ASS1: variants seen among roughly 807,000 people sequenced by gnomAD.
ASS1 encodes argininosuccinate synthase 1.
ASS1 carries 58 observed loss-of-function variants against 60.5 expected under a neutral mutation model. The observed-to-expected ratio is 0.96, with a 90% CI of 0.78 to 1.19. The LOEUF (loss-of-function observed/expected upper bound fraction) is 1.19, where lower values mean the gene tolerates loss of function less well. Ranked by LOEUF, ASS1 falls within the 50% of genes most tolerant of loss-of-function variation. ASS1 has a pLI of 0.00. For missense variants in ASS1, 454 were observed against 547.3 expected (o/e 0.83, Z 1.70); for synonymous variants, 200 against 206.9 (o/e 0.97, Z 0.29).
intron 3 of ASS1, among the ~76,000 whole-genome samples, chr9:130,456,729 C>A (rs1845458856): frequency 6.6e-6 from 1 of 152,034 alleles, no homozygotes; most frequent in Admixed American, 6.6e-5. Flanking sequence ...GTGGGCAGAT[C>A]TCTTGAGGTC....
At chr9:130,464,621 A>T (rs929060795) in intron 5 of ASS1, among the ~76,000 whole-genome samples, 2 of 152,008 alleles carry the variant, frequency 1.3e-5, no homozygotes, top group Non-Finnish European at 2.9e-5. Flanking sequence ...TCCCCAGGCC[A>T]CCTGTGCCTG....
intron 1 of ASS1, among the ~76,000 whole-genome samples, chr9:130,447,317 C>T (rs761162605): frequency 3.3e-5 from 5 of 152,250 alleles, no homozygotes; most frequent in Non-Finnish European, 5.9e-5. Flanking sequence ...TCTGCCTCCT[C>T]CTTTGTAAAT....
In ASS1 at chr9:130,489,964, G is replaced by T. The variant is rs1416414805; in HGVS notation, c.970+500G>T. On this transcript the variant is annotated intron_variant, in intron 12 of 14. Transcript: ENST00000352480. The surrounding 1 kb of genome is among the most constrained non-coding windows in gnomAD (Gnocchi z 4.1). The stretch of plus-strand genomic sequence containing the variant: ...CTGGACCTACTCCATGAACTTGAGG[G>T]AGAGGCTCCCTGGACCAGGAACTCA... Among the ~76,000 whole-genome samples the T allele has an allele frequency of 1.3e-5, 2 of 152,256 alleles. No homozygotes were observed. The highest frequency in any genetic ancestry group is 2.9e-5 in the Non-Finnish European group (2 of 68,040).
In ASS1 at chr9:130,495,041, C is replaced by T. The variant is rs777218348; in HGVS notation, c.1127+18C>T. On this transcript the variant is annotated intron_variant, in intron 13 of 14. Transcript: ENST00000352480. The stretch of plus-strand genomic sequence containing the variant: ...CTGGTGAGGTAGGTGCCCCACACCT[C>T]ATTCTGACCCCCACTTGGGCACAGA... The T allele has an allele frequency of 1.2e-6, 2 of 1,600,810 alleles. No individual in the cohort carries two copies. The highest frequency in any genetic ancestry group is 1.7e-6 in the Non-Finnish European group (2 of 1,174,556).
At chr9:130,455,415 A>G (rs1845426456) in intron 3 of ASS1, among the ~76,000 whole-genome samples, 2 of 151,092 alleles carry the variant, frequency 1.3e-5, no homozygotes, top group South Asian at 2.1e-4. Context: ...CCATCCATCC[A>G]TCCTTCATCC....
intron 12 of ASS1, among the ~76,000 whole-genome samples, chr9:130,492,227 C>G (rs1846466957): frequency 6.6e-6 from 1 of 152,196 alleles, no homozygotes; most frequent in African/African-American, 2.4e-5. Context: ...TTGAGCAGGG[C>G]TGTCTCTTCC....
chr9:130,449,103 GGCAGATC>G (rs1373007147), intron 1 of ASS1, among the ~76,000 whole-genome samples: 1 of 152,144 alleles, frequency 6.6e-6, no homozygotes, highest in African/African-American at 2.4e-5. Context: ...GGCTGAGGCA[GGCAGATC>G]GCTTAAGTCC....
Position 130,477,878 on chromosome 9 carries a change from C to T in ASS1, c.688+917C>T, listed in dbSNP as rs1284936865. Reference sequence around the variant, plus strand: ...GAGAGAGGCTCGTGGAGAGGCCTGGCCCGGCTCTGGCGCTCGGCTCTTACC... The same window carrying T: ...GAGAGAGGCTCGTGGAGAGGCCTGGTCCGGCTCTGGCGCTCGGCTCTTACC... On this transcript the variant is annotated intron_variant, in intron 9 of 14. Coordinates refer to ENST00000352480, the MANE Select transcript of ASS1 (RefSeq NM_054012.4). The surrounding 1 kb of genome is among the most constrained non-coding windows in gnomAD (Gnocchi z 4.2). 6.6e-6 allele frequency among the ~76,000 whole-genome samples: 1 copy of T among 152,138 alleles called. No homozygotes were observed. Among genetic ancestry groups the T allele is most frequent in the Non-Finnish European group, 1.5e-5 (1 of 68,004 alleles).
chr9:130,479,973 G>A, intron 10 of ASS1, 173 bp downstream of exon 10: 1 of 819,642 alleles, frequency 1.2e-6, no homozygotes, highest in Non-Finnish European at 2.1e-6. Context: ...TTTGGCAGGA[G>A]AGGCTCCGTG....
chr9:130,477,007 C>A lies in ASS1; in HGVS notation c.688+46C>A. The A allele has an allele frequency of 6.4e-7, 1 of 1,572,052 alleles. No individual in the cohort carries two copies. Among genetic ancestry groups the A allele is most frequent in the Non-Finnish European group, 8.8e-7 (1 of 1,142,114 alleles). ...ACTCGAAGGGGGTTGACTTTTGGGG[C>A]CCTGGCTCCTTTCCCCTCCCTGCCT... On this transcript the variant is annotated intron_variant, in intron 9 of 14. Transcript: ENST00000352480. This position sits in a 1 kb window ranked among gnomAD's most constrained non-coding sequence, Gnocchi z 4.2.
chr9:130,478,728 G>A lies in ASS1; in HGVS notation c.689-988G>A, dbSNP rs1846084749. Reference sequence around the variant, plus strand: ...GGAGAGAAAGGGAGAGAGGAGAGGCGGGGGGTGGTGAGAGGGGCTTAAGGT... The same window carrying A: ...GGAGAGAAAGGGAGAGAGGAGAGGCAGGGGGTGGTGAGAGGGGCTTAAGGT... On this transcript the variant is annotated intron_variant, in intron 9 of 14. Transcript: ENST00000352480. This position sits in a 1 kb window ranked among gnomAD's most constrained non-coding sequence, Gnocchi z 4.7. Among the ~76,000 whole-genome samples the A allele has an allele frequency of 1.3e-5, 2 of 152,180 alleles. No individual in the cohort carries two copies. Among genetic ancestry groups the A allele is most frequent in the Admixed American group, 1.3e-4 (2 of 15,280 alleles).
intron 8 of ASS1, among the ~76,000 whole-genome samples, 154 bp downstream of exon 8, chr9:130,471,669 C>T (rs1845869501): frequency 1.3e-5 from 2 of 152,332 alleles, no homozygotes; most frequent in Non-Finnish European, 1.5e-5. Context: ...CCCCGACCCC[C>T]GCACTGGCCC....
At chr9:130,472,070 C>T (rs549542201) in intron 8 of ASS1, among the ~76,000 whole-genome samples, 46 of 152,238 alleles carry the variant, frequency 3.0e-4, no homozygotes, top group African/African-American at 1.0e-3. Context: ...GGGTAGGGGG[C>T]TTCTTTGTGT....
At chr9:130,483,814 C>CCTCCTCCTT (rs1846232572) in intron 11 of ASS1, among the ~76,000 whole-genome samples, 2 of 151,654 alleles carry the variant, frequency 1.3e-5, no homozygotes, top group African/African-American at 4.9e-5. Flanking sequence ...CCTCCTCCTT[C>CCTCCTCCTT]CCCTCTTCCC....
intron 4 of ASS1, among the ~76,000 whole-genome samples, chr9:130,463,040 G>A (rs1845640645): frequency 6.6e-6 from 1 of 152,258 alleles, no homozygotes; most frequent in Non-Finnish European, 1.5e-5. Context: ...GGGTGAGTGA[G>A]GCCAGCCCAA....
intron 13 of ASS1, among the ~76,000 whole-genome samples, chr9:130,496,738 T>A (rs1846612896): frequency 6.6e-6 from 1 of 152,032 alleles, no homozygotes; most frequent in Admixed American, 6.6e-5. Context: ...CAGGTAACGA[T>A]TGGCCACTCC....
In ASS1 at chr9:130,477,906, G is replaced by A. The variant is rs1008180761; in HGVS notation, c.688+945G>A. Among the ~76,000 whole-genome samples, 4 of 152,140 alleles carry A rather than the reference G, an allele frequency of 2.6e-5. No homozygotes were observed. The highest frequency in any genetic ancestry group is 4.4e-5 in the Non-Finnish European group (3 of 68,014). ...GGCTCTGGCGCTCGGCTCTTACCCC[G>A]GCTACCACAGAAAGGAGGATAGGGT... On this transcript the variant is annotated intron_variant, in intron 9 of 14. Transcript: ENST00000352480. The surrounding 1 kb of genome is among the most constrained non-coding windows in gnomAD (Gnocchi z 4.2).
rs1846445857 is a variant in ASS1, at chr9:130,491,352, A to C, written c.970+1888A>C. ...TGCTCCGGGGCCTCCACGGAGGCTG[A>C]TCCCACCGTGGCCGCGGCCACGGCT... On this transcript the variant is annotated intron_variant, in intron 12 of 14. Transcript: ENST00000352480. The surrounding 1 kb of genome is among the most constrained non-coding windows in gnomAD (Gnocchi z 5.3). Among the ~76,000 whole-genome samples the C allele has an allele frequency of 6.6e-6, 1 of 152,112 alleles. No homozygotes were observed. Among genetic ancestry groups the C allele is most frequent in the South Asian group, 2.1e-4 (1 of 4,824 alleles).
In ASS1 at chr9:130,495,038, C is replaced by T. The variant is rs1057523862; in HGVS notation, c.1127+15C>T. 26 of 1,602,912 alleles carry T rather than the reference C, an allele frequency of 1.6e-5. No individual in the cohort carries two copies. Among genetic ancestry groups the T allele is most frequent in the East Asian group, 1.4e-4 (6 of 44,382 alleles). On this transcript the variant is annotated intron_variant, in intron 13 of 14. Coordinates refer to ENST00000352480, the MANE Select transcript of ASS1 (RefSeq NM_054012.4). ...GAGCTGGTGAGGTAGGTGCCCCACA[C>T]CTCATTCTGACCCCCACTTGGGCAC...
Sources: gnomAD v4.1 joint callset for allele counts (sites outside exome capture counted in the v4.1 genomes callset) on GRCh38, gnomAD v4.1.1 for gene constraint, Gnocchi (gnomAD v3.1) non-coding constraint, MANE v1.5 for transcripts, NCBI Gene and HGNC (gene_info 2026-07-23, HGNC 2026-07-21) for gene names.